The following PRLH variants were observed in gnomAD, a reference collection of about 807,000 sequenced individuals.
The protein encoded by PRLH is prolactin-releasing peptide.
Under a neutral mutation model 3.2 loss-of-function variants are expected in PRLH, and 6 were observed. The observed-to-expected ratio is 1.86, with a 90% CI of 1.02 to 3.66. PRLH has a LOEUF of 3.66. Ranked by LOEUF, PRLH falls within the 30% of genes most tolerant of loss-of-function variation. The probability of loss-of-function intolerance (pLI) is 0.00; values close to 1 mark genes in which losing one functional copy is unlikely to be tolerated. For missense variants in PRLH, 145 were observed against 122.6 expected, an observed-to-expected ratio of 1.18 and a Z score of -0.86; for synonymous variants, 65 against 51.1, an observed-to-expected ratio of 1.27 and a Z score of -1.16.
intron 1 of PRLH, 41 bp from the exon 2 acceptor site, chr2:237,566,971 G>A (rs376595400): frequency 3.7e-6 from 6 of 1,609,786 alleles, no homozygotes; most frequent in Non-Finnish European, 5.1e-6. Flanking sequence ...CACACCCTGG[G>A]GACACGTGCC....
In PRLH at chr2:237,566,680, G is replaced by C; in HGVS notation, c.100+7G>C. 1 of 1,550,404 alleles carries C rather than the reference G, an allele frequency of 6.4e-7. No individual in the cohort carries two copies. Among genetic ancestry groups the C allele is most frequent in the African/African-American group, 1.4e-5 (1 of 73,578 alleles). On this transcript the variant is annotated splice_region_variant and intron_variant, in intron 1 of 1. Coordinates refer to ENST00000165524, the MANE Select transcript of PRLH (RefSeq NM_015893.1). ...CACTCCATGGAGATCCGCAGTGAGT[G>C]CCTGGACCCCTGTCAGCCTCCCTTA... is the stretch of plus-strand genomic sequence containing the variant.
At position 237,567,104 on chromosome 2, in the gene PRLH, A is replaced by C; in HGVS notation, c.193A>C (p.Lys65Gln). 1 of 1,614,038 alleles carries C rather than the reference A, an allele frequency of 6.2e-7. No individual in the cohort carries two copies. The change falls in exon 2 of 2, where the codon AAG (lysine) becomes CAG (glutamine). Residue 65 changes from lysine (K) to glutamine (Q), a missense_variant. Coordinates refer to ENST00000165524, the MANE Select transcript of PRLH (RefSeq NM_015893.1). Reference sequence around the variant, plus strand: ...GAGGGCAACCCTGGGGGACGTCCCCAAGCCTGGCCTGCGACCCCGGCTGAC... The same window carrying C: ...GAGGGCAACCCTGGGGGACGTCCCCCAGCCTGGCCTGCGACCCCGGCTGAC... ...RRRATLGDVP[K>Q]PGLRPRLTCF...
Position 237,567,151 on chromosome 2 carries a change from T to C in PRLH, c.240T>C (p.Gly80=), listed in dbSNP as rs886981117. 23 of 1,612,186 alleles carry C rather than the reference T, an allele frequency of 1.4e-5. No individual in the cohort carries two copies. The highest frequency in any genetic ancestry group is 2.0e-5 in the Non-Finnish European group (23 of 1,178,674). Residue 80 remains glycine, a synonymous_variant, in exon 2 of 2, where the codon GGT becomes GGC. Coordinates refer to ENST00000165524, the MANE Select transcript of PRLH (RefSeq NM_015893.1). The part of the protein sequence containing the change: ...PRLTCFPLEG[G]AMSSQDG ...TGACCTGCTTCCCCCTGGAAGGCGG[T>C]GCTATGTCGTCCCAGGATGGCTGAC...
At chr2:237,566,870 G>T in intron 1 of PRLH, 142 bp from the exon 2 acceptor site, 3 of 1,300,484 alleles carry the variant, frequency 2.3e-6, no homozygotes, top group South Asian at 1.3e-5. Context: ...ACCTCTGGGT[G>T]CCTGTTCCTC....
At chr2:237,566,699 T>C in intron 1 of PRLH, 26 bp downstream of exon 1, 1 of 1,541,010 alleles carries the variant, frequency 6.5e-7, no homozygotes, top group Non-Finnish European at 8.7e-7. Flanking sequence ...CCTGTCAGCC[T>C]CCCTTACCCC....
chr2:237,566,887 C>T (rs907157777), intron 1 of PRLH, 125 bp from the exon 2 acceptor site: 1 of 1,417,212 alleles, frequency 7.1e-7, no homozygotes, highest in African/African-American at 1.4e-5. Flanking sequence ...CCTCGGGTGG[C>T]TCCCAGCATG....
intron 1 of PRLH, 60 bp downstream of exon 1, chr2:237,566,733 G>C (rs1215469320): frequency 1.4e-6 from 2 of 1,476,496 alleles, no homozygotes; most frequent in Admixed American, 4.0e-5. Context: ...CCAGAACCTA[G>C]TGCAGCCTGG....
In PRLH at chr2:237,567,057, C is replaced by CT. The variant is rs2081196171; in HGVS notation, c.147dup (p.Val50CysfsTer?). 4 of 1,614,168 alleles carry CT rather than the reference C, an allele frequency of 2.5e-6. No individual in the cohort carries two copies. Among genetic ancestry groups the CT allele is most frequent in the Non-Finnish European group, 3.4e-6 (4 of 1,180,010 alleles). ...TGGTACGCCAGTCGCGGGATCAGGC[C>CT]TGTGGGCCGCTTCGGTCGGAGGAGG... On this transcript the variant is annotated frameshift_variant, in exon 2 of 2. Transcript: ENST00000165524. LOFTEE classifies it low-confidence loss of function (END_TRUNC).
Position 237,567,034 on chromosome 2 carries a change from G to T in PRLH, c.123G>T (p.Trp41Cys), listed in dbSNP as rs2081195922. The T allele has an allele frequency of 2.5e-6, 4 of 1,613,960 alleles. No individual in the cohort carries two copies. Among genetic ancestry groups the T allele is most frequent in the East Asian group, 4.5e-5 (2 of 44,882 alleles). The change falls in exon 2 of 2, where the codon TGG becomes TGT. Residue 41 changes from tryptophan to cysteine, a missense_variant. Trp to Cys is a radical substitution (Grantham distance 215). Transcript: ENST00000165524. ...CAGCCCCTGACATCAATCCTGCCTG[G>T]TACGCCAGTCGCGGGATCAGGCCTG... The part of the protein sequence containing the change: ...EIRTPDINPA[W>C]YASRGIRPVG...
In PRLH at chr2:237,566,897, G is replaced by A. The variant is rs938590927; in HGVS notation, c.101-115G>A. 3 of 1,467,012 alleles carry A rather than the reference G, an allele frequency of 2.0e-6. No individual in the cohort carries two copies. In the African/African-American group the frequency reaches 4.2e-5, roughly 20 times the overall value. 90.9% of individuals were successfully genotyped at this position (1,467,012 alleles called of 1,614,324 possible). On this transcript the variant is annotated intron_variant, in intron 1 of 1. Coordinates refer to ENST00000165524, the MANE Select transcript of PRLH (RefSeq NM_015893.1). The stretch of plus-strand genomic sequence containing the variant: ...CTGTTCCTCGGGTGGCTCCCAGCAT[G>A]GCCTGGCGACTGGGCTGAGAGGCCC...
At position 237,567,015 on chromosome 2, in the gene PRLH, C is replaced by G. The variant is rs1338109149; in HGVS notation, c.104C>G (p.Pro35Arg). The part of the protein sequence containing the change: ...THRHSMEIRT[P>R]DINPAWYASR... ...GCTCCAGCTCTTTCCTTTCCAGCCC[C>G]TGACATCAATCCTGCCTGGTACGCC... The change falls in exon 2 of 2, where the codon CCT becomes CGT. Residue 35 changes from proline (P) to arginine (R), a missense_variant. Pro to Arg is a moderately radical substitution (Grantham distance 103, BLOSUM62 -2). Transcript: ENST00000165524. 1 of 1,613,988 alleles carries G rather than the reference C, an allele frequency of 6.2e-7. No homozygotes were observed. Among genetic ancestry groups the G allele is most frequent in the Non-Finnish European group, 8.5e-7 (1 of 1,179,972 alleles).
In PRLH at chr2:237,567,155, A is replaced by G. The variant is rs763373473; in HGVS notation, c.244A>G (p.Met82Val). The G allele has an allele frequency of 1.2e-6, 2 of 1,611,696 alleles. No homozygotes were observed. The highest frequency in any genetic ancestry group is 1.7e-5 in the Admixed American group (1 of 59,896). Residue 82 changes from methionine (M) to valine (V), a missense_variant, in exon 2 of 2, where the codon ATG becomes GTG. Met to Val is a conservative substitution (Grantham distance 21). Transcript: ENST00000165524. The stretch of plus-strand genomic sequence containing the variant: ...CTGCTTCCCCCTGGAAGGCGGTGCT[A>G]TGTCGTCCCAGGATGGCTGACAGCC... ...LTCFPLEGGA[M>V]SSQDG
At position 237,567,142 on chromosome 2, in the gene PRLH, G is replaced by A. The variant is rs1284283427; in HGVS notation, c.231G>A (p.Leu77=). 5 of 1,613,606 alleles carry A rather than the reference G, an allele frequency of 3.1e-6. No individual in the cohort carries two copies. The highest frequency in any genetic ancestry group is 4.2e-6 in the Non-Finnish European group (5 of 1,179,838). The change falls in exon 2 of 2, where the codon CTG becomes CTA. Residue 77 remains leucine, a synonymous_variant. Transcript: ENST00000165524. ...GLRPRLTCFP[L]EGGAMSSQDG ...GACCCCGGCTGACCTGCTTCCCCCT[G>A]GAAGGCGGTGCTATGTCGTCCCAGG... is the stretch of plus-strand genomic sequence containing the variant.
intron 1 of PRLH, 99 bp from the exon 2 acceptor site, chr2:237,566,913 T>C: frequency 6.5e-7 from 1 of 1,529,542 alleles, no homozygotes; most frequent in Non-Finnish European, 8.9e-7. Context: ...GCGACTGGGC[T>C]GAGAGGCCCT....
rs138895198 is a variant in PRLH at position 237,567,065 on chromosome 2, C to A, written c.154C>A (p.Arg52Ser). The A allele has an allele frequency of 1.2e-6, 2 of 1,614,074 alleles. No homozygotes were observed. Among genetic ancestry groups the A allele is most frequent in the Non-Finnish European group, 1.7e-6 (2 of 1,179,950 alleles). Residue 52 changes from arginine (R) to serine (S), a missense_variant, in exon 2 of 2, where the codon CGC becomes AGC. Transcript: ENST00000165524. The part of the protein sequence containing the change: ...YASRGIRPVG[R>S]FGRRRATLGD... Reference sequence around the variant, plus strand: ...CAGTCGCGGGATCAGGCCTGTGGGCCGCTTCGGTCGGAGGAGGGCAACCCT... The same window carrying A: ...CAGTCGCGGGATCAGGCCTGTGGGCAGCTTCGGTCGGAGGAGGGCAACCCT...
chr2:237,567,063 G>C lies in PRLH; in HGVS notation c.152G>C (p.Gly51Ala), dbSNP rs748695228. Residue 51 changes from glycine (G) to alanine (A), a missense_variant, in exon 2 of 2, where the codon GGC becomes GCC. Physicochemically the swap from Gly to Ala is moderately conservative, Grantham distance 60. Transcript: ENST00000165524. ...WYASRGIRPV[G>A]RFGRRRATLG... ...GCCAGTCGCGGGATCAGGCCTGTGG[G>C]CCGCTTCGGTCGGAGGAGGGCAACC... 3.5e-5 allele frequency: 56 copies of C among 1,614,080 alleles called. No homozygotes were observed. Among genetic ancestry groups the C allele is most frequent in the Non-Finnish European group, 4.2e-5 (50 of 1,179,954 alleles).
In PRLH at chr2:237,566,636, T is replaced by C. The variant is rs2081193754; in HGVS notation, c.63T>C (p.Ala21=). 2 of 1,573,722 alleles carry C rather than the reference T, an allele frequency of 1.3e-6. No homozygotes were observed. The highest frequency in any genetic ancestry group is 1.9e-5 in the Admixed American group (1 of 53,644). ...TGCTGGGCCTGGCCCTGCGGGGAGC[T>C]GCAAGTCGTACCCATCGGCACTCCA... ...LLMLGLALRG[A]ASRTHRHSME... is the part of the protein sequence containing the mutation. Residue 21 remains alanine (A), a synonymous_variant, in exon 1 of 2, where the codon GCT becomes GCC. Coordinates refer to ENST00000165524, the MANE Select transcript of PRLH (RefSeq NM_015893.1).
At position 237,566,613 on chromosome 2, in the gene PRLH, C is replaced by T; in HGVS notation, c.40C>T (p.Leu14=). ...GGCCTGGCTCCTGTGCCTGCTGATG[C>T]TGGGCCTGGCCCTGCGGGGAGCTGC... The part of the protein sequence containing the change: ...LRAWLLCLLM[L]GLALRGAASR... The change falls in exon 1 of 2, where the codon CTG becomes TTG. Residue 14 remains leucine (L), a synonymous_variant. Transcript: ENST00000165524. 1 of 1,581,544 alleles carries T rather than the reference C, an allele frequency of 6.3e-7. No individual in the cohort carries two copies.
Position 237,566,998 on chromosome 2 carries a change from TCTTTC to T in PRLH, c.101-7_101-3del, listed in dbSNP as rs755147891. On this transcript the variant is annotated splice_polypyrimidine_tract_variant and intron_variant, in intron 1 of 1. Transcript: ENST00000165524. ...ACACGTGCCCATGGTCTGCTCCAGC[TCTTTC>T]CTTTCCAGCCCCTGACATCAATCCT... 1.9e-6 allele frequency: 3 copies of T among 1,613,474 alleles called. No homozygotes were observed. The highest frequency in any genetic ancestry group is 1.3e-5 in the African/African-American group (1 of 75,036).
Sources: gnomAD v4.1 joint callset for allele counts on GRCh38, gnomAD v4.1.1 for gene constraint, MANE v1.5 for transcripts, NCBI Gene and HGNC (gene_info 2026-07-23, HGNC 2026-07-21) for gene names.